B4GALNT3: variants seen among roughly 807,000 people sequenced by gnomAD.
B4GALNT3 encodes beta-1,4-N-acetylgalactosaminyltransferase 3.
Under a neutral mutation model 120.2 loss-of-function variants are expected in B4GALNT3, and 86 were observed. The ratio of observed to expected loss-of-function variants is 0.72; its 90% CI spans 0.60 to 0.86. The LOEUF (loss-of-function observed/expected upper bound fraction) is 0.86. Ranked by LOEUF, B4GALNT3 falls within the 40% of genes least tolerant of loss-of-function variation. B4GALNT3 has a pLI of 0.00. For missense variants in B4GALNT3, 1,167 were observed against 1,298.9 expected (o/e 0.90, Z 1.56); for synonymous variants, 518 against 510.4 (o/e 1.01, Z -0.20).
At chr12:506,713 T>C (rs553183368) in intron 1 of B4GALNT3, among the ~76,000 whole-genome samples, 371 of 152,334 alleles carry the variant, frequency 2.4e-3, no homozygotes, top group African/African-American at 8.6e-3. Context: ...CTCGGCTCAC[T>C]GCAAGCTCCG....
intron 1 of B4GALNT3, among the ~76,000 whole-genome samples, chr12:511,691 CTGT>C (rs1301973889): frequency 5.1e-5 from 2 of 38,992 alleles, no homozygotes; most frequent in Non-Finnish European, 4.8e-5. Flanking sequence ...CTTCCACCTT[CTGT>C]CTTCCACCTT....
chr12:552,292 TAC>T (rs10604398), intron 12 of B4GALNT3, 129 bp downstream of exon 12: 197,663 of 610,542 alleles, frequency 0.32, 12,343 homozygotes, highest in African/African-American at 0.34. Context: ...TCCTGAGTAC[TAC>T]ACACACACAC....
In B4GALNT3 at chr12:550,938, G is replaced by A. The variant is rs1458858602; in HGVS notation, c.1014G>A (p.Lys338=). 2.5e-6 allele frequency: 4 copies of A among 1,613,746 alleles called. No homozygotes were observed. The highest frequency in any genetic ancestry group is 3.4e-6 in the Non-Finnish European group (4 of 1,179,618). ...TGTCCTCAGTGCCTCTGATCCCCAA[G>A]TCGCATCTCCGCCACGTCCTGCCTG... ...DTLYRVPLIP[K]SHLRHVLPDC... The change falls in exon 11 of 20, where the codon AAG becomes AAA. Residue 338 remains lysine, a synonymous_variant. Coordinates refer to ENST00000266383, the MANE Select transcript of B4GALNT3 (RefSeq NM_173593.4). This position sits in a 1 kb window ranked among gnomAD's most constrained non-coding sequence, Gnocchi z 4.1.
intron 3 of B4GALNT3, among the ~76,000 whole-genome samples, chr12:538,560 CAAAAA>C (rs771053015): frequency 1.6e-5 from 1 of 64,038 alleles, no homozygotes; most frequent in Non-Finnish European, 3.4e-5. Context: ...AACCCCATCT[CAAAAA>C]AAAAAAAAAA....
rs771554865 is a variant in B4GALNT3 at position 545,455 on chromosome 12, G to A, written c.625G>A (p.Ala209Thr). ...DDQVSGLQLL[A>T]SVGKTGKEWT... Reference sequence around the variant, plus strand: ...CCAGGTCTCAGGCCTCCAGCTGCTGGCCAGTGTGGGCAAGGTAAGGCCAGC... The same window carrying A: ...CCAGGTCTCAGGCCTCCAGCTGCTGACCAGTGTGGGCAAGGTAAGGCCAGC... The change falls in exon 6 of 20, where the codon GCC becomes ACC. Residue 209 changes from alanine (A) to threonine (T), a missense_variant. This residue lies in a region of B4GALNT3 where 983 missense variants were observed against 1,102.5 expected (regional missense o/e 0.89). Coordinates refer to ENST00000266383, the MANE Select transcript of B4GALNT3 (RefSeq NM_173593.4). The A allele has an allele frequency of 1.9e-6, 3 of 1,604,834 alleles. No homozygotes were observed. The African/African-American group carries it at 4.0e-5, about 21-fold the overall frequency.
At chr12:492,296 T>A (rs1314770122) in intron 1 of B4GALNT3, among the ~76,000 whole-genome samples, 1 of 152,186 alleles carries the variant, frequency 6.6e-6, no homozygotes, top group African/African-American at 2.4e-5. Context: ...GGGATACAGA[T>A]GTCAATTGCT....
intron 1 of B4GALNT3, among the ~76,000 whole-genome samples, chr12:497,568 A>G (rs1007766163): frequency 6.6e-6 from 1 of 152,218 alleles, no homozygotes; most frequent in East Asian, 1.9e-4. Context: ...TAATGCTGCT[A>G]TAAACACTGG....
chr12:513,729 A>T (rs1946622557), intron 1 of B4GALNT3, among the ~76,000 whole-genome samples: 1 of 152,344 alleles, frequency 6.6e-6, no homozygotes. Flanking sequence ...GAGTTGCTCC[A>T]GCACCTCTGA....
intron 1 of B4GALNT3, among the ~76,000 whole-genome samples, chr12:508,120 T>C (rs1474560996): frequency 6.6e-6 from 1 of 152,250 alleles, no homozygotes; most frequent in Non-Finnish European, 1.5e-5. Context: ...GGAGACAGAA[T>C]GTCTTCTCTT....
intron 13 of B4GALNT3, 179 bp downstream of exon 13, chr12:552,707 G>A: frequency 1.6e-6 from 1 of 617,856 alleles, no homozygotes; most frequent in East Asian, 2.8e-5. Context: ...TCCATATCCA[G>A]GCACATGTGG....
intron 3 of B4GALNT3, among the ~76,000 whole-genome samples, chr12:541,960 G>A (rs937720839): frequency 6.6e-6 from 1 of 151,686 alleles, no homozygotes. Flanking sequence ...CTCCTAGGGA[G>A]GGGGCAGAAA....
chr12:553,426 G>A lies in B4GALNT3; in HGVS notation c.1503G>A (p.Gly501=). ...GGAACTCCACAGCGTCCTTCCCAGG[G>A]AGGACCAGCCACATTCCAGTGCAGC... ...SKRNSTASFP[G]RTSHIPVQQP... Residue 501 remains glycine (G), a synonymous_variant, in exon 14 of 20, where the codon GGG becomes GGA. Transcript: ENST00000266383. 1.9e-6 allele frequency: 3 copies of A among 1,614,004 alleles called. No individual in the cohort carries two copies. The highest frequency in any genetic ancestry group is 2.5e-6 in the Non-Finnish European group (3 of 1,180,044).
intron 1 of B4GALNT3, among the ~76,000 whole-genome samples, chr12:512,659 T>TCTTCCTC (rs1565598914): frequency 1.2e-5 from 1 of 86,788 alleles, no homozygotes; most frequent in African/African-American, 5.1e-5. Flanking sequence ...CCTTCCACCT[T>TCTTCCTC]CTTCCACCTT....
intron 1 of B4GALNT3, among the ~76,000 whole-genome samples, chr12:505,932 CATCT>C (rs780477109): frequency 3.3e-5 from 5 of 152,186 alleles, no homozygotes; most frequent in Non-Finnish European, 7.3e-5. Flanking sequence ...CAACTCCATC[CATCT>C]ATTTTTGTCT....
At chr12:530,116 C>T (rs1305463772) in intron 1 of B4GALNT3, among the ~76,000 whole-genome samples, 1 of 151,590 alleles carries the variant, frequency 6.6e-6, no homozygotes, top group Non-Finnish European at 1.5e-5. Flanking sequence ...GCCATTATTA[C>T]AACTACTTAG....
rs372204194 is a variant in B4GALNT3, at chr12:516,167, G to A, written c.170-18999G>A. The stretch of plus-strand genomic sequence containing the variant: ...TCTCAAAAAAAAAAAAAAAAATCCT[G>A]CTTTCATGGAACATACATTCAAAGT... On this transcript the variant is annotated intron_variant, in intron 1 of 19. Transcript: ENST00000266383. 9.8e-4 allele frequency among the ~76,000 whole-genome samples: 149 copies of A among 151,776 alleles called. 4 individuals are homozygous for A. The South Asian group carries it at 0.03, about 31-fold the overall frequency.
At chr12:513,013 CCTTCCACCTTCCACCTTCCACCTT>C (rs1438796209) in intron 1 of B4GALNT3, among the ~76,000 whole-genome samples, 24 of 148,006 alleles carry the variant, frequency 1.6e-4, no homozygotes, top group African/African-American at 5.0e-4. Context: ...CCACCTTCCG[CCTTCCACCTTCCACCTTCCACCTT>C]CTTCCACCTT....
At chr12:497,479 G>A (rs899580924) in intron 1 of B4GALNT3, among the ~76,000 whole-genome samples, 1 of 152,188 alleles carries the variant, frequency 6.6e-6, no homozygotes, top group Non-Finnish European at 1.5e-5. Flanking sequence ...ATATTCCATT[G>A]TATGGATATG....
At position 532,986 on chromosome 12, in the gene B4GALNT3, G is replaced by A. The variant is rs139099410; in HGVS notation, c.170-2180G>A. Among the ~76,000 whole-genome samples, 45 of 152,328 alleles carry A rather than the reference G, an allele frequency of 3.0e-4. 1 individual carries two copies. The East Asian group carries it at 7.7e-3, about 26-fold the overall frequency. ...CCACTGATGGGGCAGGCAGCATTTC[G>A]TGGGTATTTCCCCACAAGCTTCTCT... On this transcript the variant is annotated intron_variant, in intron 1 of 19. Transcript: ENST00000266383.
Sources: allele counts gnomAD v4.1 joint callset (sites outside exome capture counted in the v4.1 genomes callset), GRCh38; gene constraint gnomAD v4.1.1; regional missense constraint gnomAD v4.1.1; non-coding constraint Gnocchi (gnomAD v3.1); transcripts MANE v1.5; gene names NCBI Gene and HGNC (gene_info 2026-07-23, HGNC 2026-07-21).